The following DOCK2 variants were observed in gnomAD, a reference collection of about 807,000 sequenced individuals.
DOCK2 encodes dedicator of cytokinesis protein 2.
In DOCK2, 87 loss-of-function variants were observed where a neutral mutation model predicts 248.9. The ratio of observed to expected loss-of-function variants is 0.35; its 90% CI spans 0.29 to 0.42. The LOEUF is 0.42. DOCK2 is among the 10% of genes least tolerant of loss of function. The pLI is 1.00. For synonymous variants in DOCK2, 805 were observed against 821.6 expected (o/e 0.98, Z 0.35); for missense variants, 1,747 against 2,300.2 (o/e 0.76, Z 4.92).
At chr5:169,659,485 A>G (rs1758325924) in intron 2 of DOCK2, among the ~76,000 whole-genome samples, 1 of 152,212 alleles carries the variant, frequency 6.6e-6, no homozygotes. Flanking sequence ...CCAGAAGCTG[A>G]ATCTTTTCCT....
intron 21 of DOCK2, among the ~76,000 whole-genome samples, 195 bp from the exon 22 acceptor site, chr5:169,718,462 A>G (rs1191436956): frequency 6.6e-6 from 1 of 151,766 alleles, no homozygotes; most frequent in Non-Finnish European, 1.5e-5. Flanking sequence ...CTGGCTTTTT[A>G]TGAGCAGGAA....
At chr5:169,904,091 C>CAA (rs57983281) in intron 27 of DOCK2, among the ~76,000 whole-genome samples, 19,584 of 70,016 alleles carry the variant, frequency 0.28, 3,283 homozygotes, top group African/African-American at 0.54. Flanking sequence ...GACTTCGTCT[C>CAA]AAAAAAAAAA....
chr5:169,901,235 GA>G (rs1210723496), intron 27 of DOCK2, among the ~76,000 whole-genome samples: 2 of 152,192 alleles, frequency 1.3e-5, no homozygotes, highest in African/African-American at 4.8e-5. Flanking sequence ...CACTGGCTCT[GA>G]TGCAAGAAAG....
At chr5:169,722,424 T>TGTGGG (rs1276477350) in intron 22 of DOCK2, among the ~76,000 whole-genome samples, 1 of 152,172 alleles carries the variant, frequency 6.6e-6, no homozygotes, top group Non-Finnish European at 1.5e-5. Context: ...CAGGAGTTGC[T>TGTGGG]CCCACTTGTC....
At chr5:169,806,076 A>G (rs540327419) in intron 26 of DOCK2, among the ~76,000 whole-genome samples, 81 of 152,300 alleles carry the variant, frequency 5.3e-4, no homozygotes, top group African/African-American at 1.9e-3. Context: ...AGCTTCTTCA[A>G]TGAATAGGAG....
intron 44 of DOCK2, among the ~76,000 whole-genome samples, chr5:170,062,064 T>A (rs2113862898): frequency 6.6e-6 from 1 of 152,020 alleles, no homozygotes; most frequent in Non-Finnish European, 1.5e-5. Context: ...CATGTGTGGA[T>A]GCATGTATAT....
chr5:170,055,154 T>C (rs1206823958), intron 41 of DOCK2, 151 bp from the exon 42 acceptor site: 5 of 662,450 alleles, frequency 7.5e-6, no homozygotes, highest in Non-Finnish European at 1.3e-5. Context: ...TAGTCATTAG[T>C]GCCTAGTGGG....
chr5:169,753,964 A>G, intron 23 of DOCK2, among the ~76,000 whole-genome samples: 1 of 152,202 alleles, frequency 6.6e-6, no homozygotes. Context: ...TGAGGGGAAT[A>G]GTACTTGTTT....
At chr5:169,711,872 G>C (rs1761604618) in intron 15 of DOCK2, 63 bp from the exon 16 acceptor site, 1 of 1,574,188 alleles carries the variant, frequency 6.4e-7, no homozygotes, top group Admixed American at 1.7e-5. Flanking sequence ...AAGTGTGTAG[G>C]GGGGTGCAGT....
At chr5:169,978,375 A>ATGTGTG (rs70979152) in intron 27 of DOCK2, among the ~76,000 whole-genome samples, 8 of 25,774 alleles carry the variant, frequency 3.1e-4, no homozygotes, top group African/African-American at 1.1e-3. Context: ...GGCTCTGTGT[A>ATGTGTG]TGTGTGTGTG....
chr5:169,886,229 A>C (rs186076474), intron 27 of DOCK2, among the ~76,000 whole-genome samples: 1 of 152,328 alleles, frequency 6.6e-6, no homozygotes, highest in East Asian at 1.9e-4. Context: ...TTTCATGAGC[A>C]GGTGGTTCCT....
rs566772090 is a variant in DOCK2 at position 169,823,389 on chromosome 5, G to A, written c.2704-17368G>A. Among the ~76,000 whole-genome samples, 561 of 151,572 alleles carry A rather than the reference G, an allele frequency of 3.7e-3. 1 individual carries two copies. Among genetic ancestry groups the A allele is most frequent in the African/African-American group, 0.013 (538 of 41,344 alleles). ...ATCCTCAATAAAATACTGGCAAACT[G>A]AATCCAGCAGCACATCAAAAAGCTT... On this transcript the variant is annotated intron_variant, in intron 26 of 51. Transcript: ENST00000520908.
chr5:169,708,699 G>A (rs1477614821), intron 15 of DOCK2, among the ~76,000 whole-genome samples: 1 of 151,996 alleles, frequency 6.6e-6, no homozygotes, highest in African/African-American at 2.4e-5. Flanking sequence ...TGAGTAGTTG[G>A]GATTACAAGC....
At chr5:170,069,563 C>G (rs765571037) in intron 46 of DOCK2, among the ~76,000 whole-genome samples, 1 of 152,154 alleles carries the variant, frequency 6.6e-6, no homozygotes, top group Non-Finnish European at 1.5e-5. Context: ...CACCTTCCCC[C>G]GACACCCAGC....
At chr5:169,800,448 A>C (rs1439870975) in intron 25 of DOCK2, among the ~76,000 whole-genome samples, 1 of 152,234 alleles carries the variant, frequency 6.6e-6, no homozygotes, top group Non-Finnish European at 1.5e-5. Flanking sequence ...ACTGCTATGA[A>C]CCAGGTACTG....
intron 25 of DOCK2, among the ~76,000 whole-genome samples, chr5:169,769,583 G>T (rs1764974027): frequency 1.3e-5 from 2 of 152,214 alleles, no homozygotes; most frequent in Non-Finnish European, 1.5e-5. Flanking sequence ...TCAAAGCTTA[G>T]ATGTCCCTGA....
At chr5:169,784,864 A>G (rs1765900391) in intron 25 of DOCK2, among the ~76,000 whole-genome samples, 1 of 152,256 alleles carries the variant, frequency 6.6e-6, no homozygotes. Flanking sequence ...AATATTAAGT[A>G]AACAATAGTG....
In DOCK2 at chr5:169,987,149, C is replaced by T. The variant is rs368284223; in HGVS notation, c.2993+1227C>T. Among the ~76,000 whole-genome samples, 49 of 152,294 alleles carry T rather than the reference C, an allele frequency of 3.2e-4. 1 individual carries two copies. In the South Asian group the frequency reaches 9.7e-3, roughly 30 times the overall value. On this transcript the variant is annotated intron_variant, in intron 29 of 51. Transcript: ENST00000520908. Reference sequence around the variant, plus strand: ...TTTACTTGATTCTCAGGCAGATGCTCTCTTAGTGGGGAAAATGGGCTCTAG... The same window carrying T: ...TTTACTTGATTCTCAGGCAGATGCTTTCTTAGTGGGGAAAATGGGCTCTAG...
chr5:170,065,498 A>G (rs951785277), intron 44 of DOCK2, among the ~76,000 whole-genome samples: 1 of 152,188 alleles, frequency 6.6e-6, no homozygotes, highest in Non-Finnish European at 1.5e-5. Context: ...ATGATATTGT[A>G]TATTAGTCCG....
Sources: gnomAD v4.1 joint callset for allele counts (sites outside exome capture counted in the v4.1 genomes callset) on GRCh38, gnomAD v4.1.1 for gene constraint, MANE v1.5 for transcripts, NCBI Gene and HGNC (gene_info 2026-07-23, HGNC 2026-07-21) for gene names.